GOLM1: variants seen among roughly 807,000 people sequenced by gnomAD.
The protein encoded by GOLM1 is golgi membrane protein 1.
GOLM1 carries 31 observed loss-of-function variants against 50.5 expected under a neutral mutation model. The ratio of observed to expected loss-of-function variants is 0.61; its 90% CI spans 0.46 to 0.83. The LOEUF (loss-of-function observed/expected upper bound fraction) is 0.83. Ranked by LOEUF, GOLM1 falls within the 40% of genes least tolerant of loss-of-function variation. The pLI is 0.00. For missense variants in GOLM1, 491 were observed against 501.3 expected, an observed-to-expected ratio of 0.98 and a Z score of 0.20; for synonymous variants, 178 against 192.8, an observed-to-expected ratio of 0.92 and a Z score of 0.64.
chr9:86,099,795 C>A (rs1030560555), upstream of GOLM1, among the ~76,000 whole-genome samples: 3 of 152,110 alleles, frequency 2.0e-5, no homozygotes, highest in Admixed American at 2.0e-4. Context: ...ATCGCCCCTT[C>A]CGACGCGGGA....
Position 86,027,001 on chromosome 9 carries a change from C to CT in GOLM1, c.*815dup, listed in dbSNP as rs533364047. On this transcript the variant is annotated 3_prime_UTR_variant, in exon 10 of 10. Coordinates refer to ENST00000388712, the MANE Select transcript of GOLM1 (RefSeq NM_016548.4). ...CTCATGCCTTGCCTCTCACCATGCT[C>CT]TGCTCCAGGTCAGCCCCCTTTTGGC... 6 of 985,300 alleles carry CT rather than the reference C, an allele frequency of 6.1e-6. No homozygotes were observed. Among genetic ancestry groups the CT allele is most frequent in the Non-Finnish European group, 7.2e-6 (6 of 829,956 alleles). 61.0% of individuals were successfully genotyped at this position (985,300 alleles called of 1,614,324 possible).
intron 8 of GOLM1, among the ~76,000 whole-genome samples, 168 bp from the exon 9 acceptor site, chr9:86,033,563 T>G (rs1833047151): frequency 1.3e-5 from 2 of 152,174 alleles, no homozygotes; most frequent in Non-Finnish European, 2.9e-5. Flanking sequence ...GACAAGCACA[T>G]GCATTATGTG....
At chr9:86,047,873 CAATT>C (rs1431634065) in intron 4 of GOLM1, among the ~76,000 whole-genome samples, 1 of 152,052 alleles carries the variant, frequency 6.6e-6, no homozygotes, top group African/African-American at 2.4e-5. Context: ...TGCATGTACC[CAATT>C]ATTATTATTT....
chr9:86,065,450 T>C (rs1834281045), intron 3 of GOLM1, among the ~76,000 whole-genome samples: 1 of 152,218 alleles, frequency 6.6e-6, no homozygotes, highest in East Asian at 1.9e-4. Flanking sequence ...ACACCACTTT[T>C]ATCTGCACAA....
intron 9 of GOLM1, 90 bp from the exon 10 acceptor site, chr9:86,027,983 C>G: frequency 2.7e-6 from 2 of 728,310 alleles, no homozygotes; most frequent in Non-Finnish European, 2.3e-6. Flanking sequence ...CTTCTAGAAA[C>G]TGTCATAAAG....
intron 1 of GOLM1, among the ~76,000 whole-genome samples, chr9:86,094,535 A>G (rs7862366): frequency 0.24 from 36,765 of 152,212 alleles, 7,543 homozygotes; most frequent in African/African-American, 0.54. Context: ...AGTGGTAGGT[A>G]GTAGAAACAC....
chr9:86,075,471 A>G (rs1834583188), intron 3 of GOLM1, among the ~76,000 whole-genome samples: 1 of 152,210 alleles, frequency 6.6e-6, no homozygotes, highest in Non-Finnish European at 1.5e-5. Context: ...TATCTCATTC[A>G]ATCCTCACAG....
At position 86,026,893 on chromosome 9, in the gene GOLM1, A is replaced by G; in HGVS notation, c.*924T>C. 2.0e-6 allele frequency: 2 copies of G among 984,440 alleles called. No homozygotes were observed. Among genetic ancestry groups the G allele is most frequent in the Non-Finnish European group, 2.4e-6 (2 of 829,084 alleles). The allele number at this position is 984,440 out of a possible 1,614,324, so 61.0% of individuals were successfully genotyped here. A position where few individuals can be genotyped will look rare whatever the true frequency, so the allele number is the denominator to read the frequency against. ...ACAGTCCTAATTTCTAACACTGTAT[A>G]TATCCTTCGACATCAATGAACTTTG... On this transcript the variant is annotated 3_prime_UTR_variant, in exon 10 of 10. Coordinates refer to ENST00000388712, the MANE Select transcript of GOLM1 (RefSeq NM_016548.4).
At chr9:86,054,982 G>A (rs1833944948) in intron 3 of GOLM1, among the ~76,000 whole-genome samples, 1 of 152,172 alleles carries the variant, frequency 6.6e-6, no homozygotes, top group African/African-American at 2.4e-5. Flanking sequence ...CCTGCTTAGT[G>A]GTGGACGATG....
At chr9:86,094,898 A>G (rs1835307484) in intron 1 of GOLM1, among the ~76,000 whole-genome samples, 1 of 152,132 alleles carries the variant, frequency 6.6e-6, no homozygotes, top group African/African-American at 2.4e-5. Context: ...AGCCTGACCA[A>G]CATGGAGAAA....
chr9:86,042,652 G>T (rs547419536), intron 5 of GOLM1, among the ~76,000 whole-genome samples: 1 of 152,254 alleles, frequency 6.6e-6, no homozygotes, highest in East Asian at 1.9e-4. Context: ...GAAACATAGC[G>T]AACAAAAAGC....
chr9:86,030,794 C>G (rs995871141), intron 9 of GOLM1, among the ~76,000 whole-genome samples: 2 of 152,100 alleles, frequency 1.3e-5, no homozygotes, highest in African/African-American at 4.8e-5. Context: ...ATTTGGGGAA[C>G]CTGGGTGAAG....
intron 7 of GOLM1, among the ~76,000 whole-genome samples, chr9:86,036,077 G>A (rs1833133205): frequency 2.0e-5 from 3 of 151,966 alleles, no homozygotes; most frequent in South Asian, 4.1e-4. Flanking sequence ...CGCCTCCCCC[G>A]AGTCCCACAA....
At chr9:86,077,662 C>T (rs1035406015) in intron 2 of GOLM1, 71 bp from the exon 3 acceptor site, 8 of 1,066,176 alleles carry the variant, frequency 7.5e-6, no homozygotes, top group Non-Finnish European at 8.6e-6. Context: ...GAGCGCCCTC[C>T]ACAAAGACCA....
At chr9:86,036,653 G>C in intron 6 of GOLM1, 146 bp from the exon 7 acceptor site, 1 of 752,170 alleles carries the variant, frequency 1.3e-6, no homozygotes, top group Non-Finnish European at 2.1e-6. Flanking sequence ...GTCTACTCTG[G>C]TCACGCCCTG....
Position 86,026,189 on chromosome 9 carries a change from C to CAAATT in GOLM1, c.*1623_*1627dup. 1 of 981,130 alleles carries CAAATT rather than the reference C, an allele frequency of 1.0e-6. No homozygotes were observed. Among genetic ancestry groups the CAAATT allele is most frequent in the Non-Finnish European group, 1.2e-6 (1 of 826,132 alleles). 60.8% of individuals were successfully genotyped at this position (981,130 alleles called of 1,614,324 possible). ...TTATTTCTCAGCAATTCTATGCGTA[C>CAAATT]AAATTAAACATGAGATGAATAGAGA... is the stretch of plus-strand genomic sequence containing the variant. On this transcript the variant is annotated 3_prime_UTR_variant, in exon 10 of 10. Coordinates refer to ENST00000388712, the MANE Select transcript of GOLM1 (RefSeq NM_016548.4).
intron 1 of GOLM1, among the ~76,000 whole-genome samples, chr9:86,089,525 T>C (rs1309279759): frequency 2.6e-5 from 4 of 152,110 alleles, no homozygotes; most frequent in African/African-American, 9.7e-5. Flanking sequence ...ACCTCTGATA[T>C]CCTTTCTTCC....
chr9:86,063,055 T>C (rs922228071), intron 3 of GOLM1, among the ~76,000 whole-genome samples: 1 of 152,108 alleles, frequency 6.6e-6, no homozygotes, highest in African/African-American at 2.4e-5. Context: ...TTCCCGCTGC[T>C]CTCACTCCTG....
chr9:86,037,979 A>AC (rs1316388694), intron 6 of GOLM1, among the ~76,000 whole-genome samples: 1 of 151,772 alleles, frequency 6.6e-6, no homozygotes, highest in African/African-American at 2.4e-5. Flanking sequence ...ACATGGAGAA[A>AC]CCCCGATATA....
Sources: allele counts gnomAD v4.1 joint callset (sites outside exome capture counted in the v4.1 genomes callset), GRCh38; gene constraint gnomAD v4.1.1; transcripts MANE v1.5; gene names NCBI Gene and HGNC (gene_info 2026-07-23, HGNC 2026-07-21).